The following PFKL variants were observed in gnomAD, a reference collection of about 807,000 sequenced individuals.
PFKL encodes the protein phosphofructokinase, liver type.
Under a neutral mutation model 92.1 loss-of-function variants are expected in PFKL, and 74 were observed. That is an observed-to-expected ratio of 0.80 (90% confidence interval 0.67 to 0.97). PFKL has a LOEUF of 0.97. PFKL is among the 50% of genes least tolerant of loss of function. PFKL has a pLI of 0.00. For synonymous variants in PFKL, 494 were observed against 456.4 expected (o/e 1.08, Z -1.05); for missense variants, 1,028 against 1,116.6 (o/e 0.92, Z 1.13).
intron 1 of PFKL, among the ~76,000 whole-genome samples, chr21:44,302,399 T>C (rs1421699028): frequency 1.3e-5 from 2 of 152,206 alleles, no homozygotes; most frequent in African/African-American, 2.4e-5. Context: ...TGGGAGGAAC[T>C]GACATTCTGG....
At chr21:44,300,565 G>C (rs1221023668) in intron 1 of PFKL, among the ~76,000 whole-genome samples, 2 of 152,198 alleles carry the variant, frequency 1.3e-5, no homozygotes, top group African/African-American at 4.8e-5. Flanking sequence ...AGCGACCCGG[G>C]GACCCGGTGC....
At chr21:44,304,322 T>C in intron 1 of PFKL, 1 of 1,288,706 alleles carries the variant, frequency 7.8e-7, no homozygotes, top group Non-Finnish European at 1.0e-6. Flanking sequence ...GCTGTGACCC[T>C]GGGCTGACCC....
At chr21:44,321,963 G>T in intron 13 of PFKL, 88 bp downstream of exon 13, 2 of 1,493,594 alleles carry the variant, frequency 1.3e-6, no homozygotes, top group Admixed American at 4.4e-5. Flanking sequence ...GCTGCTGGAG[G>T]TGGAGGCTGA....
rs2040897584 is a variant in PFKL at position 44,305,225 on chromosome 21, G to C, written c.86-1456G>C. 27 of 1,280,786 alleles carry C rather than the reference G, an allele frequency of 2.1e-5. No individual in the cohort carries two copies. The South Asian group carries it at 3.3e-4, about 16-fold the overall frequency. The allele number at this position is 1,280,786 out of a possible 1,614,324, so 79.3% of individuals were successfully genotyped here. A position where few individuals can be genotyped will look rare whatever the true frequency, so the allele number is the denominator to read the frequency against. On this transcript the variant is annotated intron_variant, in intron 1 of 21. Coordinates refer to ENST00000349048, the MANE Select transcript of PFKL (RefSeq NM_002626.6). Reference sequence around the variant, plus strand: ...GGCAGATACTCTGGCTGCTACGTGAGAACAGTGTGCCGATCCCTGGGGTTT... The same window carrying C: ...GGCAGATACTCTGGCTGCTACGTGACAACAGTGTGCCGATCCCTGGGGTTT...
In PFKL at chr21:44,316,320, C is replaced by T. The variant is rs776866454; in HGVS notation, c.824C>T (p.Ser275Leu). Residue 275 changes from serine to leucine, a missense_variant, in exon 8 of 22, where the codon TCG becomes TTG. Ser to Leu is a moderately radical substitution (Grantham distance 145, BLOSUM62 -2). Transcript: ENST00000349048. ...ATTGACCGCAACGGGAAGCCCATCT[C>T]GTCCAGCTACGTGAAGGACGTGCGT... ...GAIDRNGKPI[S>L]SSYVKDLVVQ... 15 of 1,613,178 alleles carry T rather than the reference C, an allele frequency of 9.3e-6. No individual in the cohort carries two copies. The highest frequency in any genetic ancestry group is 2.7e-5 in the African/African-American group (2 of 74,942).
At chr21:44,305,501 C>A in intron 1 of PFKL, 1 of 1,193,814 alleles carries the variant, frequency 8.4e-7, no homozygotes. Context: ...ACAGAGGACC[C>A]GCATGGCTTA....
intron 21 of PFKL, 117 bp from the exon 22 acceptor site, chr21:44,326,598 A>C (rs2047518335): frequency 8.0e-7 from 1 of 1,249,612 alleles, no homozygotes. Flanking sequence ...CGAGATGTTC[A>C]GACAGAGGGG....
chr21:44,321,039 G>A (rs1014834166), intron 12 of PFKL: 9 of 152,276 alleles, frequency 5.9e-5, no homozygotes, highest in African/African-American at 2.2e-4. Context: ...TGGTCTCCAC[G>A]AACCCAGAAC....
chr21:44,327,042 T>C lies in PFKL; in HGVS notation c.*180T>C. Reference sequence around the variant, plus strand: ...CCAGGCCTCCCTCGGGCTGGTGTCTTGAGACCAGCCTGCCAGGCCCTCCAG... The same window carrying C: ...CCAGGCCTCCCTCGGGCTGGTGTCTCGAGACCAGCCTGCCAGGCCCTCCAG... On this transcript the variant is annotated 3_prime_UTR_variant, in exon 22 of 22. Coordinates refer to ENST00000349048, the MANE Select transcript of PFKL (RefSeq NM_002626.6). 1.6e-6 allele frequency: 1 copy of C among 615,082 alleles called. No individual in the cohort carries two copies. Among genetic ancestry groups the C allele is most frequent in the Non-Finnish European group, 2.9e-6 (1 of 349,228 alleles). 38.1% of individuals were successfully genotyped at this position (615,082 alleles called of 1,614,324 possible). A position where few individuals can be genotyped will look rare whatever the true frequency, so the allele number is the denominator to read the frequency against.
intron 1 of PFKL, 88 bp from the exon 2 acceptor site, chr21:44,306,593 C>A: frequency 8.3e-7 from 1 of 1,203,452 alleles, no homozygotes; most frequent in Non-Finnish European, 1.2e-6. Flanking sequence ...GTCCAGGCCT[C>A]CCCTACCCCC....
rs1349042810 is a variant in PFKL, at chr21:44,326,190, C to T, written c.2121C>T (p.Ala707=). The change falls in exon 21 of 22, where the codon GCC becomes GCT. Residue 707 remains alanine, a synonymous_variant. Coordinates refer to ENST00000349048, the MANE Select transcript of PFKL (RefSeq NM_002626.6). ...GRVFANAPDS[A]CVIGLKKKAV... ...TGTTCGCCAATGCCCCAGACTCGGC[C>T]TGCGTGATCGGCCTGAAGAAGAAGG... is the stretch of plus-strand genomic sequence containing the variant. 2 of 1,613,108 alleles carry T rather than the reference C, an allele frequency of 1.2e-6. No individual in the cohort carries two copies. Among genetic ancestry groups the T allele is most frequent in the East Asian group, 2.2e-5 (1 of 44,870 alleles).
chr21:44,309,179 G>A (rs951510351), intron 2 of PFKL, among the ~76,000 whole-genome samples: 1 of 152,162 alleles, frequency 6.6e-6, no homozygotes, highest in Non-Finnish European at 1.5e-5. Context: ...AGCCCCCAGC[G>A]CTGGCTTCCT....
chr21:44,326,547 G>A (rs1386719641), intron 21 of PFKL, among the ~76,000 whole-genome samples, 168 bp from the exon 22 acceptor site: 1 of 151,906 alleles, frequency 6.6e-6, no homozygotes, highest in Non-Finnish European at 1.5e-5. Flanking sequence ...CTGTGCCTCC[G>A]AGGGATGGGG....
At chr21:44,304,437 C>T in intron 1 of PFKL, 1 of 1,217,352 alleles carries the variant, frequency 8.2e-7, no homozygotes, top group Non-Finnish European at 1.0e-6. Context: ...TGCCCTGCCT[C>T]AGCTGCTGCC....
At chr21:44,310,877 T>C (rs1310588530) in intron 2 of PFKL, 129 bp from the exon 3 acceptor site, 3 of 664,162 alleles carry the variant, frequency 4.5e-6, no homozygotes, top group Non-Finnish European at 8.0e-6. Flanking sequence ...CCTGGGATGA[T>C]GGTGGGGCCT....
Position 44,313,083 on chromosome 21 carries a change from C to T in PFKL, c.533C>T (p.Thr178Met). ...TGCGGCACCGACATGACCATCGGCACGGACTCGGCCCTCCACCGCATCATG... is the reference window on the plus strand; with the variant it reads ...TGCGGCACCGACATGACCATCGGCATGGACTCGGCCCTCCACCGCATCATG... ...DFCGTDMTIGTDSALHRIMEV... is the reference protein window; with the variant it reads ...DFCGTDMTIGMDSALHRIMEV... Residue 178 changes from threonine to methionine, a missense_variant, in exon 5 of 22, where the codon ACG (threonine) becomes ATG (methionine). Thr to Met is a moderately conservative substitution (Grantham distance 81, BLOSUM62 -1). Coordinates refer to ENST00000349048, the MANE Select transcript of PFKL (RefSeq NM_002626.6). 7 of 1,613,132 alleles carry T rather than the reference C, an allele frequency of 4.3e-6. No individual in the cohort carries two copies. Among genetic ancestry groups the T allele is most frequent in the Non-Finnish European group, 5.1e-6 (6 of 1,179,930 alleles).
rs370071720 is a variant in PFKL at position 44,312,981 on chromosome 21, A to G, written c.431A>G (p.Lys144Arg). Residue 144 changes from lysine (K) to arginine (R), a missense_variant, in exon 5 of 22, where the codon AAG becomes AGG. Physicochemically the swap from Lys to Arg is conservative, Grantham distance 26. Coordinates refer to ENST00000349048, the MANE Select transcript of PFKL (RefSeq NM_002626.6). ...SLLEELVAEG[K>R]ISETTARTYS... ...CCTCCTGCTGCTCCTGGCCCAGGTA[A>G]GATCTCAGAGACTACAGCCCGGACC... The G allele has an allele frequency of 6.2e-7, 1 of 1,612,688 alleles. No individual in the cohort carries two copies. The highest frequency in any genetic ancestry group is 2.2e-5 in the East Asian group (1 of 44,868).
chr21:44,318,373 GC>G, intron 9 of PFKL, 96 bp from the exon 10 acceptor site: 1 of 1,284,402 alleles, frequency 7.8e-7, no homozygotes, highest in Non-Finnish European at 1.0e-6. Context: ...AGCGTGGGGG[GC>G]TCTGGAAGCT....
In PFKL at chr21:44,301,295, G is replaced by A. The variant is rs1198109405; in HGVS notation, c.85+1105G>A. 2.0e-5 allele frequency among the ~76,000 whole-genome samples: 3 copies of A among 152,272 alleles called. No homozygotes were observed. The East Asian group carries it at 5.8e-4, about 29-fold the overall frequency. ...TGGCTGAGCCAGGCCTGTGGTGGCT[G>A]CCCACCCGCCCTTTTCACAGCTGTG... On this transcript the variant is annotated intron_variant, in intron 1 of 21. Coordinates refer to ENST00000349048, the MANE Select transcript of PFKL (RefSeq NM_002626.6).
Sources: allele counts gnomAD v4.1 joint callset (sites outside exome capture counted in the v4.1 genomes callset), GRCh38; gene constraint gnomAD v4.1.1; transcripts MANE v1.5; gene names NCBI Gene and HGNC (gene_info 2026-07-23, HGNC 2026-07-21).